Variants in PCDH11X observed in about 807,000 individuals in gnomAD.
PCDH11X encodes the protein protocadherin-11 X-linked.
Under a neutral mutation model 53.3 loss-of-function variants are expected in PCDH11X, and 18 were observed. That is an observed-to-expected ratio of 0.34 (90% CI 0.23 to 0.50). PCDH11X has a LOEUF of 0.50. Among genes scored for constraint, PCDH11X ranks in the 20% least tolerant of loss-of-function variants. The probability of loss-of-function intolerance (pLI) is 0.98; values close to 1 mark genes in which losing one functional copy is unlikely to be tolerated. For missense variants in PCDH11X, 570 were observed against 1,032.4 expected (o/e 0.55, Z 6.14); for synonymous variants, 279 against 393.3 (o/e 0.71, Z 3.44).
intron 5 of PCDH11X, among the ~76,000 whole-genome samples, chrX:91,859,203 AT>A (rs1272665442): frequency 6.3e-5 from 7 of 111,653 alleles, no homozygotes; most frequent in Admixed American, 4.8e-4. Context: ...TTTGGTTTAC[AT>A]TTCTCTAGTG....
chrX:92,583,202 C>T (rs1432434906), intron 10 of PCDH11X, among the ~76,000 whole-genome samples: 5 of 102,434 alleles, frequency 4.9e-5, no homozygotes, highest in African/African-American at 1.8e-4. Flanking sequence ...CAGGTTCAAG[C>T]GATTCTCCTG....
At chrX:92,154,646 G>A (rs76025390) in intron 6 of PCDH11X, among the ~76,000 whole-genome samples, 4 of 110,613 alleles carry the variant, frequency 3.6e-5, no homozygotes, top group Admixed American at 1.9e-4. Flanking sequence ...ACAGCGTGAG[G>A]AACACATCGG....
At chrX:92,081,256 C>T (rs1395794762) in intron 6 of PCDH11X, among the ~76,000 whole-genome samples, 2 of 109,639 alleles carry the variant, frequency 1.8e-5, no homozygotes, top group East Asian at 2.9e-4. Flanking sequence ...CTGAAGAGTC[C>T]CCCTCATATT....
chrX:92,176,788 A>G (rs1309386266), intron 6 of PCDH11X, among the ~76,000 whole-genome samples: 5 of 110,690 alleles, frequency 4.5e-5, no homozygotes, highest in African/African-American at 1.3e-4. Flanking sequence ...GAGATACTAC[A>G]ATGTCTCTAC....
chrX:92,331,344 T>TC (rs2069480589), intron 8 of PCDH11X, among the ~76,000 whole-genome samples: 2 of 79,506 alleles, frequency 2.5e-5, no homozygotes, highest in African/African-American at 5.2e-5. Flanking sequence ...CTTCCTTCCT[T>TC]TTCCCCCTCC....
intron 6 of PCDH11X, among the ~76,000 whole-genome samples, chrX:92,010,664 G>A (rs2062674044): frequency 9.1e-6 from 1 of 109,891 alleles, no homozygotes; most frequent in South Asian, 3.9e-4. Context: ...CATAGATATT[G>A]TCTCTGTTTT....
chrX:92,275,280 G>A (rs1487104167), intron 8 of PCDH11X, among the ~76,000 whole-genome samples: 3 of 103,948 alleles, frequency 2.9e-5, no homozygotes, highest in Non-Finnish European at 6.0e-5. Context: ...GAAGGAAAGG[G>A]TTGTTCTTTT....
chrX:91,886,738 A>G (rs1016232439), intron 6 of PCDH11X, among the ~76,000 whole-genome samples: 36 of 109,528 alleles, frequency 3.3e-4, no homozygotes, highest in South Asian at 7.8e-4. Flanking sequence ...TTGGGAGGCC[A>G]AGGCGGGAGG....
chrX:92,108,686 C>T lies in PCDH11X; in HGVS notation c.3034-92689C>T, dbSNP rs35271469. ...TTAAATAGAATTCCAATAATGCATC[C>T]GTAAACATAACCTCTCATCCTTTGA... On this transcript the variant is annotated intron_variant, in intron 6 of 10. Transcript: ENST00000682573. Among the ~76,000 whole-genome samples, 15 of 111,394 alleles carry T rather than the reference C, an allele frequency of 1.3e-4. No individual in the cohort carries two copies. In the South Asian group the frequency reaches 4.1e-3, roughly 31 times the overall value.
At chrX:92,135,582 G>A (rs113681850) in intron 6 of PCDH11X, among the ~76,000 whole-genome samples, 3,487 of 110,825 alleles carry the variant, frequency 0.031, 143 homozygotes, top group African/African-American at 0.11. Flanking sequence ...TCAAGTGCTG[G>A]TGCAAGAATA....
intron 6 of PCDH11X, among the ~76,000 whole-genome samples, chrX:91,975,840 T>A (rs1277457715): frequency 9.1e-6 from 1 of 110,399 alleles, no homozygotes; most frequent in East Asian, 2.9e-4. Context: ...AGAAGACACT[T>A]AAATGCTATC....
At chrX:92,318,104 AATT>A (rs1351336789) in intron 8 of PCDH11X, among the ~76,000 whole-genome samples, 1 of 111,547 alleles carries the variant, frequency 9.0e-6, no homozygotes, top group Admixed American at 9.6e-5. Context: ...TCCTAAAAAA[AATT>A]TAAGTCAAAT....
chrX:92,163,110 G>A (rs1358494782), intron 6 of PCDH11X, among the ~76,000 whole-genome samples: 1 of 105,569 alleles, frequency 9.5e-6, no homozygotes, highest in African/African-American at 3.5e-5. Context: ...TGTCAGGGAA[G>A]TAGGGGAAAG....
rs750326498 is a variant in PCDH11X at position 92,528,240 on chromosome X, C to T, written c.3367+59918C>T. ...ATTCACACACACATATACAGACATA[C>T]GCACATGTGCATATCCTGCATGTAT... On this transcript the variant is annotated intron_variant, in intron 10 of 10. Coordinates refer to ENST00000682573, the MANE Select transcript of PCDH11X (RefSeq NM_032968.5). Among the ~76,000 whole-genome samples, 44 of 112,295 alleles carry T rather than the reference C, an allele frequency of 3.9e-4. 1 individual carries two copies. Among genetic ancestry groups the T allele is most frequent in the Admixed American group, 2.3e-3 (24 of 10,589 alleles).
intron 4 of PCDH11X, among the ~76,000 whole-genome samples, chrX:91,824,659 C>A (rs1233412255): frequency 9.8e-6 from 1 of 102,357 alleles, no homozygotes; most frequent in Non-Finnish European, 1.9e-5. Flanking sequence ...TCGTCTGAAG[C>A]CATCTTCTCT....
At chrX:92,227,811 G>T (rs2066997147) in intron 7 of PCDH11X, among the ~76,000 whole-genome samples, 1 of 110,857 alleles carries the variant, frequency 9.0e-6, no homozygotes, top group African/African-American at 3.3e-5. Flanking sequence ...TTAAAATTTA[G>T]AAAACTAAAC....
chrX:91,863,302 T>C (rs1167578959), intron 5 of PCDH11X, among the ~76,000 whole-genome samples: 1 of 111,046 alleles, frequency 9.0e-6, no homozygotes, highest in East Asian at 2.8e-4. Flanking sequence ...TGCATATATA[T>C]TTAAAATTGT....
At chrX:92,487,586 A>C in intron 10 of PCDH11X, among the ~76,000 whole-genome samples, 1 of 111,209 alleles carries the variant, frequency 9.0e-6, no homozygotes, top group Middle Eastern at 4.7e-3. Flanking sequence ...ATCTTCCATT[A>C]GAAATTCTGA....
chrX:91,791,901 G>T (rs1447545569), intron 1 of PCDH11X, among the ~76,000 whole-genome samples: 1 of 90,644 alleles, frequency 1.1e-5, no homozygotes, highest in Non-Finnish European at 2.1e-5. Context: ...TCGCTCTGTC[G>T]CCCAGGCTGG....
Sources: gnomAD v4.1 joint callset for allele counts (sites outside exome capture counted in the v4.1 genomes callset) on GRCh38, gnomAD v4.1.1 for gene constraint, MANE v1.5 for transcripts, NCBI Gene and HGNC (gene_info 2026-07-23, HGNC 2026-07-21) for gene names.